NXPH1: variants seen among roughly 807,000 people sequenced by gnomAD.
NXPH1 encodes neurexophilin-1.
In NXPH1, 5 loss-of-function variants were observed where a neutral mutation model predicts 23.7. The observed-to-expected ratio is 0.21, with a 90% CI of 0.11 to 0.44. The LOEUF (loss-of-function observed/expected upper bound fraction) is 0.44. NXPH1 is among the 20% of genes least tolerant of loss of function. The pLI, the probability that NXPH1 is intolerant of heterozygous loss-of-function variation, is 0.99. For missense variants in NXPH1, 324 were observed against 321.6 expected (o/e 1.01, Z -0.06); for synonymous variants, 144 against 122.2 (o/e 1.18, Z -1.18).
chr7:8,709,187 A>G (rs1779748830), intron 2 of NXPH1, among the ~76,000 whole-genome samples: 1 of 152,128 alleles, frequency 6.6e-6, no homozygotes. Context: ...GGTTGATCTC[A>G]TTTCCCTATC....
intron 2 of NXPH1, among the ~76,000 whole-genome samples, chr7:8,495,931 G>C (rs1231805203): frequency 2.0e-5 from 3 of 152,020 alleles, no homozygotes; most frequent in African/African-American, 7.2e-5. Context: ...TCACAGGAGA[G>C]AGAACTATTG....
chr7:8,586,654 C>CA (rs1482983407), intron 2 of NXPH1, among the ~76,000 whole-genome samples: 1 of 151,162 alleles, frequency 6.6e-6, no homozygotes, highest in African/African-American at 2.5e-5. Flanking sequence ...TATACACACA[C>CA]ACACACATCG....
intron 2 of NXPH1, among the ~76,000 whole-genome samples, chr7:8,573,943 A>T (rs558330627): frequency 6.6e-6 from 1 of 152,092 alleles, no homozygotes; most frequent in Non-Finnish European, 1.5e-5. Flanking sequence ...TGCTAGGTCA[A>T]TTCTATGTCA....
intron 2 of NXPH1, among the ~76,000 whole-genome samples, chr7:8,580,114 C>T (rs1189704250): frequency 6.6e-6 from 1 of 152,140 alleles, no homozygotes; most frequent in African/African-American, 2.4e-5. Flanking sequence ...GGCCCTGAGG[C>T]CTGCTTCACT....
chr7:8,574,453 A>G (rs1818713658), intron 2 of NXPH1, among the ~76,000 whole-genome samples: 3 of 152,002 alleles, frequency 2.0e-5, no homozygotes, highest in African/African-American at 7.3e-5. Flanking sequence ...GCCATTACAG[A>G]TTCAGTTTAA....
At chr7:8,579,099 G>T (rs553285137) in intron 2 of NXPH1, among the ~76,000 whole-genome samples, 1 of 152,174 alleles carries the variant, frequency 6.6e-6, no homozygotes, top group Non-Finnish European at 1.5e-5. Flanking sequence ...AGGGAGAAAC[G>T]TGAAGTGCAA....
chr7:8,593,041 G>A (rs145706925), intron 2 of NXPH1, among the ~76,000 whole-genome samples: 1 of 151,928 alleles, frequency 6.6e-6, no homozygotes, highest in African/African-American at 2.4e-5. Flanking sequence ...TAGATTCCAA[G>A]GTCCATTTCT....
intron 2 of NXPH1, among the ~76,000 whole-genome samples, chr7:8,633,018 A>C (rs1820158523): frequency 6.6e-6 from 1 of 152,228 alleles, no homozygotes; most frequent in Non-Finnish European, 1.5e-5. Flanking sequence ...AGAATGTGGG[A>C]AACTACTTCA....
intron 2 of NXPH1, among the ~76,000 whole-genome samples, chr7:8,710,647 GTTTTTTTTTTTT>G (rs1424880912): frequency 1.9e-5 from 1 of 51,718 alleles, no homozygotes; most frequent in African/African-American, 7.8e-5. Context: ...TACGTTTTTT[GTTTTTTTTTTTT>G]TTTTTTTTTT....
At chr7:8,597,699 G>A in intron 2 of NXPH1, among the ~76,000 whole-genome samples, 1 of 108,798 alleles carries the variant, frequency 9.2e-6, no homozygotes, top group Admixed American at 1.1e-4. Flanking sequence ...GTAAAAGGAG[G>A]ATCCGGGTGG....
At chr7:8,525,015 GT>G (rs2128616380) in intron 2 of NXPH1, among the ~76,000 whole-genome samples, 1 of 152,316 alleles carries the variant, frequency 6.6e-6, no homozygotes, top group East Asian at 1.9e-4. Flanking sequence ...ACAGGCTTAG[GT>G]TAGAACAATT....
chr7:8,535,746 T>C (rs1818016702), intron 2 of NXPH1, among the ~76,000 whole-genome samples: 1 of 152,000 alleles, frequency 6.6e-6, no homozygotes, highest in Admixed American at 6.6e-5. Flanking sequence ...GGCAAAGCAG[T>C]TTGTGGACAA....
chr7:8,679,076 T>C (rs1233486228), intron 2 of NXPH1, among the ~76,000 whole-genome samples: 2 of 151,196 alleles, frequency 1.3e-5, no homozygotes, highest in African/African-American at 2.4e-5. Flanking sequence ...ACCTCCCGAG[T>C]AGCTGGGACT....
At chr7:8,441,559 T>C (rs963867709) in intron 2 of NXPH1, among the ~76,000 whole-genome samples, 2 of 152,112 alleles carry the variant, frequency 1.3e-5, no homozygotes, top group Non-Finnish European at 2.9e-5. Flanking sequence ...TCGAATGAAT[T>C]ACGTTTAATG....
chr7:8,720,871 A>G (rs1263901914), intron 2 of NXPH1, among the ~76,000 whole-genome samples: 1 of 152,230 alleles, frequency 6.6e-6, no homozygotes, highest in Non-Finnish European at 1.5e-5. Flanking sequence ...GCACATCAGT[A>G]CAACCCAAAC....
chr7:8,749,584 T>G (rs1393729234), intron 2 of NXPH1, among the ~76,000 whole-genome samples: 1 of 152,184 alleles, frequency 6.6e-6, no homozygotes, highest in Non-Finnish European at 1.5e-5. Context: ...TTTCCAGGAA[T>G]GACCATTCAT....
chr7:8,718,035 T>C (rs1395496261), intron 2 of NXPH1, among the ~76,000 whole-genome samples: 1 of 152,088 alleles, frequency 6.6e-6, no homozygotes, highest in East Asian at 1.9e-4. Context: ...AATAATACAT[T>C]AATGTATTTC....
chr7:8,484,082 A>T (rs556756146), intron 2 of NXPH1, among the ~76,000 whole-genome samples: 1 of 151,636 alleles, frequency 6.6e-6, no homozygotes, highest in Non-Finnish European at 1.5e-5. Context: ...CTCTGCATGC[A>T]ACAAACCAAC....
intron 2 of NXPH1, among the ~76,000 whole-genome samples, chr7:8,721,030 GC>G (rs1779961342): frequency 6.6e-6 from 1 of 152,196 alleles, no homozygotes; most frequent in African/African-American, 2.4e-5. Flanking sequence ...AAATTGGTAG[GC>G]ATAATGGGGT....
Sources: gnomAD v4.1 joint callset for allele counts (sites outside exome capture counted in the v4.1 genomes callset) on GRCh38, gnomAD v4.1.1 for gene constraint, MANE v1.5 for transcripts, NCBI Gene and HGNC (gene_info 2026-07-23, HGNC 2026-07-21) for gene names.